The following EEPD1 variants were observed in gnomAD, a reference collection of about 807,000 sequenced individuals.
EEPD1 encodes endonuclease/exonuclease/phosphatase family domain containing 1.
A neutral mutation model predicts 46.3 loss-of-function variants in EEPD1; 17 were observed. That is an observed-to-expected ratio of 0.37 (90% CI 0.25 to 0.55). The LOEUF (loss-of-function observed/expected upper bound fraction) is 0.55. Ranked by LOEUF, EEPD1 falls within the 20% of genes least tolerant of loss-of-function variation. The pLI, the probability that EEPD1 is intolerant of heterozygous loss-of-function variation, is 0.83. For missense variants in EEPD1, 673 were observed against 745.6 expected (o/e 0.90, Z 1.13); for synonymous variants, 313 against 315.6 (o/e 0.99, Z 0.09).
At chr7:36,221,794 A>G (rs73690308) in intron 2 of EEPD1, among the ~76,000 whole-genome samples, 4,669 of 152,290 alleles carry the variant, frequency 0.031, 251 homozygotes, top group African/African-American at 0.11. Context: ...GAAGCAATAT[A>G]TTGTAATAAA....
chr7:36,199,669 C>T (rs1022770099), intron 2 of EEPD1, among the ~76,000 whole-genome samples: 2 of 152,178 alleles, frequency 1.3e-5, no homozygotes, highest in African/African-American at 4.8e-5. Flanking sequence ...CTCTGAGTCT[C>T]AGCTGCTTCG....
intron 3 of EEPD1, among the ~76,000 whole-genome samples, chr7:36,256,190 C>CTGTT (rs1786826657): frequency 1.3e-5 from 2 of 151,616 alleles, no homozygotes; most frequent in South Asian, 4.1e-4. Context: ...TGCTGAGAGA[C>CTGTT]TGTTATGATT....
At chr7:36,170,682 C>T (rs1287554345) in intron 2 of EEPD1, among the ~76,000 whole-genome samples, 2 of 151,630 alleles carry the variant, frequency 1.3e-5, no homozygotes, top group Non-Finnish European at 1.5e-5. Context: ...TAGACATCGC[C>T]TTTAAAAATA....
chr7:36,240,966 A>G (rs2115787799), intron 3 of EEPD1, among the ~76,000 whole-genome samples: 1 of 152,328 alleles, frequency 6.6e-6, no homozygotes, highest in African/African-American at 2.4e-5. Flanking sequence ...GATTCAAGGA[A>G]AAGAAATAGT....
intron 2 of EEPD1, among the ~76,000 whole-genome samples, chr7:36,195,302 C>T (rs1785558640): frequency 6.6e-6 from 1 of 152,210 alleles, no homozygotes; most frequent in Non-Finnish European, 1.5e-5. Context: ...ACCCAGTGTG[C>T]TGGGGGCAGA....
At chr7:36,191,770 C>T (rs1391551119) in intron 2 of EEPD1, among the ~76,000 whole-genome samples, 1 of 152,212 alleles carries the variant, frequency 6.6e-6, no homozygotes, top group Non-Finnish European at 1.5e-5. Flanking sequence ...CTGACCATTC[C>T]AGCGGGCAGC....
intron 3 of EEPD1, among the ~76,000 whole-genome samples, chr7:36,256,365 C>T (rs1786828626): frequency 6.6e-6 from 1 of 152,178 alleles, no homozygotes; most frequent in Admixed American, 6.5e-5. Context: ...AGTTCAAGTC[C>T]TGAATATCCT....
At chr7:36,164,042 G>A (rs1041335769) in intron 2 of EEPD1, among the ~76,000 whole-genome samples, 3 of 152,116 alleles carry the variant, frequency 2.0e-5, no homozygotes, top group African/African-American at 7.2e-5. Flanking sequence ...GATATATAAT[G>A]ATATCATCAT....
Position 36,300,116 on chromosome 7 carries a change from G to A in EEPD1, c.*910G>A, listed in dbSNP as rs964325154. 6.6e-6 allele frequency: 1 copy of A among 152,318 alleles called. No individual in the cohort carries two copies. The highest frequency in any genetic ancestry group is 1.5e-5 in the Non-Finnish European group (1 of 68,114). The allele number at this position is 152,318 out of a possible 1,614,324, so 9.4% of individuals were successfully genotyped here. On this transcript the variant is annotated 3_prime_UTR_variant, in exon 8 of 8. Coordinates refer to ENST00000242108, the MANE Select transcript of EEPD1 (RefSeq NM_030636.3). ...CCCCACTCACTCCAGTTTTTAGCCCGGAGCCTCCTGTGGTTGACTATCAGG... is the reference window on the plus strand; with the variant it reads ...CCCCACTCACTCCAGTTTTTAGCCCAGAGCCTCCTGTGGTTGACTATCAGG...
chr7:36,255,498 TTTTCAGA>T (rs1786815440), intron 3 of EEPD1, among the ~76,000 whole-genome samples: 1 of 14,704 alleles, frequency 6.8e-5, no homozygotes, highest in South Asian at 2.3e-3. Context: ...GTTATTGGGC[TTTTCAGA>T]ACTTGTTATT....
chr7:36,169,036 G>A (rs1257479919), intron 2 of EEPD1, among the ~76,000 whole-genome samples: 2 of 152,124 alleles, frequency 1.3e-5, no homozygotes, highest in African/African-American at 4.8e-5. Flanking sequence ...GGTGAAGTGT[G>A]TATCAGTATT....
intron 2 of EEPD1, among the ~76,000 whole-genome samples, chr7:36,196,949 T>C (rs1785608879): frequency 2.2e-5 from 3 of 137,296 alleles, no homozygotes; most frequent in South Asian, 2.5e-4. Context: ...CGGGCCGCCA[T>C]CCCATCTAGG....
At chr7:36,272,200 A>G (rs1192400295) in intron 3 of EEPD1, among the ~76,000 whole-genome samples, 1 of 152,084 alleles carries the variant, frequency 6.6e-6, no homozygotes, top group African/African-American at 2.4e-5. Flanking sequence ...TAAAGATAAA[A>G]AAAAAAGCCG....
At chr7:36,167,818 C>T (rs996701540) in intron 2 of EEPD1, among the ~76,000 whole-genome samples, 5 of 152,206 alleles carry the variant, frequency 3.3e-5, no homozygotes, top group African/African-American at 9.6e-5. Context: ...CTGGTTCAAG[C>T]GATTCTCCTG....
intron 3 of EEPD1, among the ~76,000 whole-genome samples, chr7:36,272,500 G>GTTA (rs770310341): frequency 8.7e-6 from 1 of 115,382 alleles, no homozygotes; most frequent in African/African-American, 3.5e-5. Context: ...CTGGTTTTTT[G>GTTA]TTGTTGTTTT....
At chr7:36,298,295 C>A (rs2115907593) in intron 7 of EEPD1, among the ~76,000 whole-genome samples, 1 of 152,282 alleles carries the variant, frequency 6.6e-6, no homozygotes, top group South Asian at 2.1e-4. Flanking sequence ...AGTTGGAAAT[C>A]CTTTCAGTGG....
chr7:36,295,955 C>T lies in EEPD1; in HGVS notation c.1316-1038C>T, dbSNP rs1312950690. Among the ~76,000 whole-genome samples the T allele has an allele frequency of 7.3e-4, 98 of 134,252 alleles. 1 individual carries two copies. The Middle Eastern group carries it at 0.025, about 34-fold the overall frequency. 88.1% of individuals were successfully genotyped at this position (134,252 alleles called of 152,430 possible). A position where few individuals can be genotyped will look rare whatever the true frequency, so the allele number is the denominator to read the frequency against. On this transcript the variant is annotated intron_variant, in intron 6 of 7. Coordinates refer to ENST00000242108, the MANE Select transcript of EEPD1 (RefSeq NM_030636.3). ...CTGAGGCAGGAGAATCGCTTGAACC[C>T]AGGAGGCAGAGGTTGTAGTGAGCCG...
chr7:36,214,066 A>G (rs565861741), intron 2 of EEPD1, among the ~76,000 whole-genome samples: 1 of 152,276 alleles, frequency 6.6e-6, no homozygotes, highest in African/African-American at 2.4e-5. Flanking sequence ...AGTGCCAATG[A>G]TGAGAGATCA....
chr7:36,235,969 G>A (rs1786428136), intron 2 of EEPD1, among the ~76,000 whole-genome samples: 1 of 147,664 alleles, frequency 6.8e-6, no homozygotes, highest in African/African-American at 2.5e-5. Context: ...CTGTCACCCA[G>A]GCTGGAGTGC....
Sources: gnomAD v4.1 joint callset for allele counts (sites outside exome capture counted in the v4.1 genomes callset) on GRCh38, gnomAD v4.1.1 for gene constraint, MANE v1.5 for transcripts, NCBI Gene and HGNC (gene_info 2026-07-23, HGNC 2026-07-21) for gene names.